RBL1: variants seen among roughly 807,000 people sequenced by gnomAD.
RBL1 encodes the protein retinoblastoma-like protein 1.
RBL1 carries 82 observed loss-of-function variants against 123.0 expected under a neutral mutation model. The ratio of observed to expected loss-of-function variants is 0.67; its 90% CI spans 0.56 to 0.80. The LOEUF (loss-of-function observed/expected upper bound fraction) is 0.80, where lower values mean the gene tolerates loss of function less well. Among genes scored for constraint, RBL1 ranks in the 30% least tolerant of loss-of-function variants. The probability of loss-of-function intolerance (pLI) is 0.00; values close to 1 mark genes in which losing one functional copy is unlikely to be tolerated. For missense variants in RBL1, 1,171 were observed against 1,299.6 expected (o/e 0.90, Z 1.52); for synonymous variants, 405 against 441.3 (o/e 0.92, Z 1.03).
At chr20:37,066,690 AAACATCTCAG>A in intron 6 of RBL1, 24 bp downstream of exon 6, 3 of 1,575,802 alleles carry the variant, frequency 1.9e-6, no homozygotes, top group Non-Finnish European at 2.6e-6. Context: ...GGTGATCTGT[AAACATCTCAG>A]TCATCTAATT....
chr20:37,010,884 T>C (rs1413287752), intron 19 of RBL1, among the ~76,000 whole-genome samples: 1 of 152,156 alleles, frequency 6.6e-6, no homozygotes, highest in Non-Finnish European at 1.5e-5. Context: ...GGTGCAATCA[T>C]AGTGCACTCC....
At chr20:37,080,154 T>C (rs2065425285) in intron 2 of RBL1, among the ~76,000 whole-genome samples, 1 of 152,102 alleles carries the variant, frequency 6.6e-6, no homozygotes, top group Non-Finnish European at 1.5e-5. Flanking sequence ...TTATTTTATT[T>C]ATTTATTTGA....
intron 2 of RBL1, among the ~76,000 whole-genome samples, chr20:37,083,692 C>T (rs1332354108): frequency 2.1e-5 from 3 of 143,980 alleles, no homozygotes; most frequent in Non-Finnish European, 4.5e-5. Context: ...GTAGCCCCAG[C>T]TACTGGGGAG....
intron 12 of RBL1, among the ~76,000 whole-genome samples, chr20:37,045,235 T>C (rs569274544): frequency 6.6e-6 from 1 of 151,902 alleles, no homozygotes; most frequent in Non-Finnish European, 1.5e-5. Flanking sequence ...GCCTCCCGGG[T>C]AGCTGGGACT....
At chr20:37,064,404 G>A (rs1306172402) in intron 7 of RBL1, among the ~76,000 whole-genome samples, 5 of 151,972 alleles carry the variant, frequency 3.3e-5, no homozygotes, top group Non-Finnish European at 7.4e-5. Flanking sequence ...CGAAAGTGCT[G>A]GGATTATAGG....
At chr20:37,013,321 T>A (rs1167815101) in intron 19 of RBL1, among the ~76,000 whole-genome samples, 2 of 151,632 alleles carry the variant, frequency 1.3e-5, no homozygotes, top group Non-Finnish European at 2.9e-5. Flanking sequence ...ACATGTGCTG[T>A]GTCCACTCAG....
intron 14 of RBL1, among the ~76,000 whole-genome samples, chr20:37,039,794 T>G (rs1407046838): frequency 6.6e-6 from 1 of 152,070 alleles, no homozygotes; most frequent in Non-Finnish European, 1.5e-5. Context: ...CAGGCTGGGT[T>G]CAAACACAAT....
At chr20:37,073,760 T>A (rs2065319522) in intron 2 of RBL1, among the ~76,000 whole-genome samples, 1 of 148,344 alleles carries the variant, frequency 6.7e-6, no homozygotes, top group Non-Finnish European at 1.5e-5. Context: ...AGCATGTACC[T>A]GTAGTCCCAG....
At chr20:37,003,236 A>G (rs959921604) in intron 21 of RBL1, among the ~76,000 whole-genome samples, 1 of 152,154 alleles carries the variant, frequency 6.6e-6, no homozygotes, top group Non-Finnish European at 1.5e-5. Flanking sequence ...GAAAACAGCA[A>G]TCATGTCCAT....
At chr20:37,012,215 A>C (rs1600456572) in intron 19 of RBL1, among the ~76,000 whole-genome samples, 2 of 151,762 alleles carry the variant, frequency 1.3e-5, no homozygotes, top group Non-Finnish European at 2.9e-5. Context: ...GCTCGCTACA[A>C]CCTCCACCTC....
rs1316267037 is a variant in RBL1 at position 37,031,925 on chromosome 20, TA to T, written c.2382+739del. Among the ~76,000 whole-genome samples, 329 of 135,878 alleles carry T rather than the reference TA, an allele frequency of 2.4e-3. 1 individual carries two copies. The highest frequency in any genetic ancestry group is 4.4e-3 in the African/African-American group (160 of 36,374). The allele number at this position is 135,878 out of a possible 152,430, so 89.1% of individuals were successfully genotyped here. ...GGCTGCTTTTTTTTTTTTTTTTTTT[TA>T]AAATAGAGATAGGGTCTCACTGTGT... On this transcript the variant is annotated intron_variant, in intron 16 of 21. Transcript: ENST00000373664.
rs1363080153 is a variant in RBL1 at position 37,032,717 on chromosome 20, G to C, written c.2330C>G (p.Thr777Ser). The change falls in exon 16 of 22, where the codon ACT becomes AGT. Residue 777 changes from threonine (T) to serine (S), a missense_variant. Transcript: ENST00000373664. ...NLTKAQEVHS[T>S]GINRPKRTGS... ...AGTTCTCTTTGGCCTGTTTATTCCA[G>C]TTGAATGTACCTCTTGTGCTTTAGT... is the stretch of plus-strand genomic sequence containing the variant. 2 of 1,614,072 alleles carry C rather than the reference G, an allele frequency of 1.2e-6. No individual in the cohort carries two copies. The highest frequency in any genetic ancestry group is 2.2e-5 in the South Asian group (2 of 91,080).
At chr20:37,025,487 C>G (rs750177476) in intron 16 of RBL1, among the ~76,000 whole-genome samples, 16 of 151,806 alleles carry the variant, frequency 1.1e-4, no homozygotes, top group Admixed American at 3.9e-4. Flanking sequence ...GCCACTGCAC[C>G]CCTGCACGGG....
intron 16 of RBL1, among the ~76,000 whole-genome samples, chr20:37,027,026 C>CA (rs376277656): frequency 0.013 from 1,822 of 145,618 alleles, 20 homozygotes; most frequent in Middle Eastern, 0.046. Flanking sequence ...AAAAAAACAA[C>CA]AAAAAAAAAC....
intron 18 of RBL1, among the ~76,000 whole-genome samples, chr20:37,019,035 T>C (rs1018370739): frequency 2.6e-5 from 4 of 151,974 alleles, no homozygotes; most frequent in Non-Finnish European, 5.9e-5. Flanking sequence ...CAACAATCAA[T>C]TGGTCTTTTT....
At chr20:37,012,835 G>A (rs537897858) in intron 19 of RBL1, among the ~76,000 whole-genome samples, 60 of 150,394 alleles carry the variant, frequency 4.0e-4, no homozygotes, top group African/African-American at 1.5e-3. Context: ...AGGGAGGTGA[G>A]GGGCGCCTCT....
In RBL1 at chr20:37,056,130, A is replaced by C; in HGVS notation, c.1363+16T>G. On this transcript the variant is annotated intron_variant, in intron 10 of 21. Coordinates refer to ENST00000373664, the MANE Select transcript of RBL1 (RefSeq NM_002895.5). The stretch of plus-strand genomic sequence containing the variant: ...TTATTTTCAATGCTATGCCAACTGT[A>C]GTTTTCTTTTCTTACCTATGTGAGA... 6.3e-7 allele frequency: 1 copy of C among 1,598,732 alleles called. No individual in the cohort carries two copies. Among genetic ancestry groups the C allele is most frequent in the Non-Finnish European group, 8.5e-7 (1 of 1,176,526 alleles).
intron 14 of RBL1, among the ~76,000 whole-genome samples, chr20:37,039,319 G>T (rs546189054): frequency 6.6e-6 from 1 of 152,256 alleles, no homozygotes; most frequent in East Asian, 1.9e-4. Flanking sequence ...ATATAAATTT[G>T]GGAAATTTGG....
At chr20:37,033,291 C>T (rs886437624) in intron 15 of RBL1, among the ~76,000 whole-genome samples, 10 of 150,908 alleles carry the variant, frequency 6.6e-5, no homozygotes, top group African/African-American at 2.4e-4. Context: ...GTTCAATTCT[C>T]CTGCCTTAGC....
Sources: allele counts gnomAD v4.1 joint callset (sites outside exome capture counted in the v4.1 genomes callset), GRCh38; gene constraint gnomAD v4.1.1; transcripts MANE v1.5; gene names NCBI Gene and HGNC (gene_info 2026-07-23, HGNC 2026-07-21).